KLHL29: variants seen among roughly 807,000 people sequenced by gnomAD.
KLHL29 encodes the protein kelch-like protein 29.
A neutral mutation model predicts 80.4 loss-of-function variants in KLHL29; 21 were observed. The ratio of observed to expected loss-of-function variants is 0.26; its 90% CI spans 0.19 to 0.38. The LOEUF (loss-of-function observed/expected upper bound fraction) is 0.38. Among genes scored for constraint, KLHL29 ranks in the 10% least tolerant of loss-of-function variants. The pLI is 1.00. For synonymous variants in KLHL29, 511 were observed against 526.8 expected, an observed-to-expected ratio of 0.97 and a Z score of 0.41; for missense variants, 867 against 1,223.9, an observed-to-expected ratio of 0.71 and a Z score of 4.35.
chr2:23,397,914 C>A (rs1666492155), intron 1 of KLHL29, among the ~76,000 whole-genome samples: 1 of 152,200 alleles, frequency 6.6e-6, no homozygotes, highest in South Asian at 2.1e-4. Flanking sequence ...AATAAGATAC[C>A]ACTTCACGTC....
At chr2:23,608,509 T>C (rs1379132165) in intron 3 of KLHL29, among the ~76,000 whole-genome samples, 5 of 152,116 alleles carry the variant, frequency 3.3e-5, no homozygotes, top group African/African-American at 1.2e-4. Context: ...AAAATGTTTG[T>C]TGTTTTGTTT....
chr2:23,597,884 C>G (rs1358353293), intron 3 of KLHL29, among the ~76,000 whole-genome samples: 2 of 152,154 alleles, frequency 1.3e-5, no homozygotes, highest in Non-Finnish European at 2.9e-5. Flanking sequence ...CGCAACCCTG[C>G]CCGTTCATGG....
At chr2:23,458,959 G>C (rs1572334014) in intron 1 of KLHL29, among the ~76,000 whole-genome samples, 1 of 152,182 alleles carries the variant, frequency 6.6e-6, no homozygotes, top group Non-Finnish European at 1.5e-5. Flanking sequence ...AGCAGATTGG[G>C]GAAGAGCAAG....
chr2:23,579,209 A>C (rs1371735081), intron 3 of KLHL29, among the ~76,000 whole-genome samples: 1 of 152,220 alleles, frequency 6.6e-6, no homozygotes, highest in African/African-American at 2.4e-5. Context: ...AGTTCTGCCC[A>C]TTTACACACA....
intron 5 of KLHL29, among the ~76,000 whole-genome samples, chr2:23,662,104 C>A (rs1670424440): frequency 6.6e-6 from 1 of 152,182 alleles, no homozygotes; most frequent in Non-Finnish European, 1.5e-5. Context: ...GGGTAGAACC[C>A]AGGAGGATGG....
chr2:23,480,221 T>C (rs899822090), intron 2 of KLHL29, among the ~76,000 whole-genome samples: 1 of 152,234 alleles, frequency 6.6e-6, no homozygotes, highest in East Asian at 1.9e-4. Flanking sequence ...CCGTGGTGGC[T>C]CACGCCTGTA....
chr2:23,547,176 G>A (rs569153274), intron 2 of KLHL29, among the ~76,000 whole-genome samples: 9 of 152,324 alleles, frequency 5.9e-5, no homozygotes, highest in African/African-American at 2.2e-4. Flanking sequence ...TTGCCCTTGT[G>A]CTCCCAGCCC....
intron 1 of KLHL29, among the ~76,000 whole-genome samples, chr2:23,427,293 G>A (rs1377821798): frequency 6.6e-6 from 1 of 152,140 alleles, no homozygotes. Context: ...ACAATACGGT[G>A]TTACCACAGG....
At chr2:23,642,310 G>C in intron 4 of KLHL29, 28 bp from the exon 5 acceptor site, 1 of 1,395,858 alleles carries the variant, frequency 7.2e-7, no homozygotes, top group Non-Finnish European at 9.4e-7. Context: ...GTAACCGGCA[G>C]ATGACGTTTC....
At chr2:23,595,398 A>C (rs970852487) in intron 3 of KLHL29, among the ~76,000 whole-genome samples, 4 of 152,226 alleles carry the variant, frequency 2.6e-5, no homozygotes, top group Non-Finnish European at 5.9e-5. Flanking sequence ...AGATCACTCA[A>C]ACCCAAGTGA....
chr2:23,552,650 T>C (rs1285081290), intron 2 of KLHL29, among the ~76,000 whole-genome samples: 4 of 152,088 alleles, frequency 2.6e-5, no homozygotes, highest in Non-Finnish European at 5.9e-5. Flanking sequence ...CTGTCTTCTT[T>C]AAATATAAAG....
chr2:23,608,868 AGAT>A (rs1668791396), intron 3 of KLHL29, among the ~76,000 whole-genome samples: 2 of 152,248 alleles, frequency 1.3e-5, no homozygotes, highest in Non-Finnish European at 2.9e-5. Flanking sequence ...ATAACGATAA[AGAT>A]AATAATAATA....
chr2:23,392,486 C>T (rs1312872584), intron 1 of KLHL29, among the ~76,000 whole-genome samples: 12 of 152,176 alleles, frequency 7.9e-5, no homozygotes, highest in Non-Finnish European at 1.2e-4. Context: ...AATCACCAAA[C>T]CTTTATTAAG....
At chr2:23,706,452 C>T (rs1220052219) in intron 13 of KLHL29, 29 bp from the exon 14 acceptor site, 1 of 1,426,386 alleles carries the variant, frequency 7.0e-7, no homozygotes, top group African/African-American at 1.5e-5. Context: ...AGTGAAATGC[C>T]TAACTCTGTC....
chr2:23,424,120 A>G (rs1662937583), intron 1 of KLHL29, among the ~76,000 whole-genome samples: 1 of 152,326 alleles, frequency 6.6e-6, no homozygotes, highest in Admixed American at 6.5e-5. Flanking sequence ...TCTCTGAGGA[A>G]CGGTGGGTAG....
intron 5 of KLHL29, among the ~76,000 whole-genome samples, chr2:23,670,613 C>T (rs916809919): frequency 1.2e-4 from 19 of 152,152 alleles, no homozygotes; most frequent in African/African-American, 4.6e-4. Context: ...GGGCACAATT[C>T]CACTTTTCTT....
intron 5 of KLHL29, among the ~76,000 whole-genome samples, chr2:23,675,243 AC>A (rs1670888352): frequency 6.6e-6 from 1 of 152,094 alleles, no homozygotes; most frequent in Non-Finnish European, 1.5e-5. Context: ...GGCAGGAGGG[AC>A]TACGTGCTGC....
At chr2:23,411,379 T>TTGTGTGTGTGTGTGTGTGTGTG (rs56103621) in intron 1 of KLHL29, among the ~76,000 whole-genome samples, 1 of 108,944 alleles carries the variant, frequency 9.2e-6, no homozygotes, top group African/African-American at 3.8e-5. Flanking sequence ...GTTGCAAAAA[T>TTGTGTGTGTGTGTGTGTGTGTG]TGTGTGTGTG....
chr2:23,570,035 G>A (rs558614322), intron 3 of KLHL29, among the ~76,000 whole-genome samples: 8 of 152,176 alleles, frequency 5.3e-5, no homozygotes, highest in African/African-American at 1.2e-4. Flanking sequence ...GGAGAATTCC[G>A]TGTACTGCTC....
Sources: allele counts gnomAD v4.1 joint callset (sites outside exome capture counted in the v4.1 genomes callset), GRCh38; gene constraint gnomAD v4.1.1; transcripts MANE v1.5; gene names NCBI Gene and HGNC (gene_info 2026-07-23, HGNC 2026-07-21).